The following C13orf46 variants were observed in gnomAD, a reference collection of about 807,000 sequenced individuals.
C13orf46 encodes the protein uncharacterized protein C13orf46.
At chr13:113,926,556 G>T in the C13orf46 span, 2 of 152,188 alleles carry the variant, frequency 1.3e-5, no homozygotes, top group Admixed American at 1.3e-4. Flanking sequence ...TATCCAAAAC[G>T]GACAAATCCA....
chr13:113,973,649 C>G (rs571453725), intron 1 of C13orf46, among the ~76,000 whole-genome samples, 159 bp downstream of exon 1: 3 of 152,256 alleles, frequency 2.0e-5, no homozygotes, highest in Non-Finnish European at 4.4e-5. Context: ...CTTGGACACA[C>G]GTCGTTGGAC....
downstream of C13orf46, among the ~76,000 whole-genome samples, chr13:113,951,006 G>A (rs2052486524): frequency 6.6e-6 from 1 of 152,190 alleles, no homozygotes; most frequent in Admixed American, 6.5e-5. Context: ...GTGGGGTCAC[G>A]TGGGAAGGAC....
At chr13:113,973,737 G>A (rs753237756) in intron 1 of C13orf46, 71 bp downstream of exon 1, 4 of 152,326 alleles carry the variant, frequency 2.6e-5, no homozygotes, top group Non-Finnish European at 5.9e-5. Context: ...TCTGACGCAG[G>A]TACTTTGGGT....
chr13:113,928,700 T>C, the C13orf46 span: 3 of 152,490 alleles, frequency 2.0e-5, no homozygotes, highest in African/African-American at 2.4e-5. Context: ...TGGAGAAGGA[T>C]TGATGCGTCC....
chr13:113,959,649 G>C (rs2138981200), intron 6 of C13orf46, among the ~76,000 whole-genome samples: 1 of 152,288 alleles, frequency 6.6e-6, no homozygotes, highest in African/African-American at 2.4e-5. Flanking sequence ...GGCTTTCTAA[G>C]GCTGTCACTG....
the C13orf46 span, among the ~76,000 whole-genome samples, chr13:113,932,871 ATT>A: frequency 6.7e-6 from 1 of 148,476 alleles, no homozygotes; most frequent in Non-Finnish European, 1.5e-5. Context: ...ACCTATTACA[ATT>A]TTTTTTTTTG....
At chr13:113,934,792 C>G in the C13orf46 span, among the ~76,000 whole-genome samples, 1 of 152,208 alleles carries the variant, frequency 6.6e-6, no homozygotes, top group African/African-American at 2.4e-5. Context: ...TGGGGTCACA[C>G]GGGAACTCCG....
At chr13:113,927,167 A>C in the C13orf46 span, 2 of 186,832 alleles carry the variant, frequency 1.1e-5, no homozygotes, top group East Asian at 1.2e-4. Context: ...TGTGGGGGGA[A>C]GCATTGGCCC....
At chr13:113,951,467 AC>A (rs1346428519), downstream of C13orf46, among the ~76,000 whole-genome samples, 1 of 148,850 alleles carries the variant, frequency 6.7e-6, no homozygotes, top group African/African-American at 2.5e-5. Flanking sequence ...TGCCAGCACC[AC>A]TCCCCCCCGC....
chr13:113,944,112 C>T, the C13orf46 span, among the ~76,000 whole-genome samples: 3 of 152,192 alleles, frequency 2.0e-5, no homozygotes, highest in Non-Finnish European at 4.4e-5. Flanking sequence ...CAGGTTGTGA[C>T]CTTGCTCCCC....
chr13:113,940,053 CACCTCAGAGGCCCCAAGAGGCT>C, the C13orf46 span, among the ~76,000 whole-genome samples: 1 of 152,216 alleles, frequency 6.6e-6, no homozygotes, highest in African/African-American at 2.4e-5. Context: ...GCATTCGGGC[CACCTCAGAGGCCCCAAGAGGCT>C]ACCTGCCTGC....
the C13orf46 span, among the ~76,000 whole-genome samples, chr13:113,931,809 T>A: frequency 0.011 from 1,609 of 152,330 alleles, 26 homozygotes; most frequent in African/African-American, 0.037. Flanking sequence ...TCAGCTTTGT[T>A]TAGATTTTTT....
At chr13:113,952,278 C>A (rs945051102), downstream of C13orf46, among the ~76,000 whole-genome samples, 24 of 145,894 alleles carry the variant, frequency 1.6e-4, no homozygotes, top group African/African-American at 5.8e-4. Flanking sequence ...TGTGTGGCCG[C>A]CGCTCCCGCC....
rs1414551021 is a variant in C13orf46 at position 113,956,709 on chromosome 13, C to CA, written c.*63dup. 3 of 152,472 alleles carry CA rather than the reference C, an allele frequency of 2.0e-5. No homozygotes were observed. The highest frequency in any genetic ancestry group is 7.2e-5 in the African/African-American group (3 of 41,442). The allele number at this position is 152,472 out of a possible 1,614,324, so 9.4% of individuals were successfully genotyped here. Reference sequence around the variant, plus strand: ...CCCTCCGTCCCGCCTCCTGTGCCCCCAGCCCCTCTGCACCCCGTCTCCTTC... The same window carrying CA: ...CCCTCCGTCCCGCCTCCTGTGCCCCCAAGCCCCTCTGCACCCCGTCTCCTTC... On this transcript the variant is annotated 3_prime_UTR_variant, in exon 7 of 7. Transcript: ENST00000636427.
At chr13:113,937,427 T>C in the C13orf46 span, among the ~76,000 whole-genome samples, 4 of 152,192 alleles carry the variant, frequency 2.6e-5, no homozygotes, top group South Asian at 8.3e-4. Flanking sequence ...TAACAATCAT[T>C]AGCACTGGGG....
chr13:113,962,132 G>C (rs1032899770), intron 6 of C13orf46, among the ~76,000 whole-genome samples: 1 of 152,164 alleles, frequency 6.6e-6, no homozygotes, highest in Non-Finnish European at 1.5e-5. Context: ...GGCTGGGTGC[G>C]GTGGCTCACG....
At chr13:113,945,575 A>AAGAGAGAGAGAGAG in the C13orf46 span, among the ~76,000 whole-genome samples, 1 of 89,070 alleles carries the variant, frequency 1.1e-5, no homozygotes. Context: ...GAAAGAAAGA[A>AAGAGAGAGAGAGAG]AGAGAGAGAG....
chr13:113,932,159 C>T, the C13orf46 span, among the ~76,000 whole-genome samples: 2 of 152,188 alleles, frequency 1.3e-5, no homozygotes, highest in African/African-American at 2.4e-5. Flanking sequence ...TCCACTGACC[C>T]GTGGAGGACG....
the C13orf46 span, chr13:113,928,968 G>C: frequency 6.6e-6 from 1 of 152,304 alleles, no homozygotes; most frequent in East Asian, 1.9e-4. Context: ...TTAGATCACA[G>C]CTGGGAAGCT....
Sources: allele counts gnomAD v4.1 joint callset (sites outside exome capture counted in the v4.1 genomes callset), GRCh38; gene constraint gnomAD v4.1.1; transcripts MANE v1.5; gene names NCBI Gene and HGNC (gene_info 2026-07-23, HGNC 2026-07-21).